Variants in ATAD2 observed in about 807,000 individuals in gnomAD.
ATAD2 encodes the protein ATPase family AAA domain containing 2.
ATAD2 carries 62 observed loss-of-function variants against 168.9 expected under a neutral mutation model. The observed-to-expected ratio is 0.37, with a 90% CI of 0.30 to 0.45. ATAD2 has a LOEUF of 0.45. Among genes scored for constraint, ATAD2 ranks in the 20% least tolerant of loss-of-function variants. ATAD2 has a pLI of 1.00. For missense variants in ATAD2, 1,419 were observed against 1,667.8 expected, an observed-to-expected ratio of 0.85 and a Z score of 2.60; for synonymous variants, 613 against 571.6, an observed-to-expected ratio of 1.07 and a Z score of -1.03.
rs752276769 is a variant in ATAD2 at position 123,328,326 on chromosome 8, A to C, written c.3732T>G (p.Asn1244Lys). 7.5e-6 allele frequency: 12 copies of C among 1,607,458 alleles called. No individual in the cohort carries two copies. The highest frequency in any genetic ancestry group is 1.7e-5 in the Admixed American group (1 of 58,972). Residue 1244 changes from asparagine to lysine, a missense_variant, in exon 25 of 28, where the codon AAT becomes AAG. Around this residue, in one of 5 missense-constraint regions of ATAD2, gnomAD observed 303 missense variants for 304.3 expected, o/e 1.00. Coordinates refer to ENST00000287394, the MANE Select transcript of ATAD2 (RefSeq NM_014109.4). Reference sequence around the variant, plus strand: ...CAAGCTCATTCTCTATATTACAAGTATTTGAATTATTTCTCAATTCCAGTT... The same window carrying C: ...CAAGCTCATTCTCTATATTACAAGTCTTTGAATTATTTCTCAATTCCAGTT... ...ESKLELRNNSNTCNIENELED... is the reference protein window; with the variant it reads ...ESKLELRNNSKTCNIENELED...
At chr8:123,364,145 G>T (rs892014082) in intron 8 of ATAD2, among the ~76,000 whole-genome samples, 2 of 152,002 alleles carry the variant, frequency 1.3e-5, no homozygotes, top group East Asian at 3.9e-4. Flanking sequence ...TATTTTAAAT[G>T]CTTTACATGT....
intron 2 of ATAD2, among the ~76,000 whole-genome samples, chr8:123,373,784 G>A (rs58189714): frequency 0.025 from 1,371 of 54,064 alleles, 29 homozygotes; most frequent in African/African-American, 0.088. Context: ...GTGACACCTC[G>A]CCTCAAAAAA....
chr8:123,344,047 C>T (rs1828150124), intron 19 of ATAD2, among the ~76,000 whole-genome samples: 1 of 152,122 alleles, frequency 6.6e-6, no homozygotes, highest in Non-Finnish European at 1.5e-5. Context: ...CTCTTTGATT[C>T]AGCTACAGCT....
At chr8:123,334,820 G>A (rs907860561) in intron 22 of ATAD2, among the ~76,000 whole-genome samples, 4 of 152,170 alleles carry the variant, frequency 2.6e-5, no homozygotes, top group Non-Finnish European at 5.9e-5. Context: ...ATGATTTGAG[G>A]CAGAAGACGG....
intron 27 of ATAD2, 152 bp from the exon 28 acceptor site, chr8:123,321,327 A>T: frequency 1.5e-6 from 1 of 667,062 alleles, no homozygotes. Context: ...AGTATTTAAG[A>T]CTGCCACATA....
chr8:123,407,986 G>A (rs939065236), intron 1 of ATAD2, among the ~76,000 whole-genome samples: 1 of 152,168 alleles, frequency 6.6e-6, no homozygotes, highest in African/African-American at 2.4e-5. Context: ...TACCTCATTT[G>A]GGATGAGGTC....
chr8:123,371,369 A>T, intron 4 of ATAD2, 31 bp from the exon 5 acceptor site: 1 of 1,535,166 alleles, frequency 6.5e-7, no homozygotes, highest in Non-Finnish European at 8.8e-7. Flanking sequence ...TGTAAGTGAA[A>T]ATTGTAAAAG....
intron 27 of ATAD2, among the ~76,000 whole-genome samples, chr8:123,322,138 C>T (rs1356361680): frequency 6.6e-6 from 1 of 152,028 alleles, no homozygotes; most frequent in Non-Finnish European, 1.5e-5. Flanking sequence ...TGGGTGCACA[C>T]CACCACATCT....
chr8:123,339,493 C>T (rs757302352), intron 19 of ATAD2, 47 bp from the exon 20 acceptor site: 1 of 1,466,406 alleles, frequency 6.8e-7, no homozygotes, highest in East Asian at 2.4e-5. Context: ...TACAGATGAT[C>T]CCCAACTTAC....
rs771113463 is a variant in ATAD2 at position 123,347,142 on chromosome 8, T to C, written c.2162A>G (p.Gln721Arg). ...GAATTCTGCATGTGGAAATACTCTCTGCAGGGCTTCTAAAATCTTGTCAAC... is the reference window on the plus strand; with the variant it reads ...GAATTCTGCATGTGGAAATACTCTCCGCAGGGCTTCTAAAATCTTGTCAAC... ...NTVDKILEAL[Q>R]RVFPHAEFRT... Residue 721 changes from glutamine (Q) to arginine (R), a missense_variant, in exon 16 of 28, where the codon CAG becomes CGG. By Grantham distance (43) the Gln-to-Arg change is conservative. This residue lies in a region of ATAD2 where 545 missense variants were observed against 724.9 expected (regional missense o/e 0.75). Coordinates refer to ENST00000287394, the MANE Select transcript of ATAD2 (RefSeq NM_014109.4). 6.8e-6 allele frequency: 11 copies of C among 1,614,242 alleles called. No homozygotes were observed. Among genetic ancestry groups the C allele is most frequent in the Non-Finnish European group, 9.3e-6 (11 of 1,180,016 alleles).
At chr8:123,357,423 A>G in intron 12 of ATAD2, 139 bp downstream of exon 12, 1 of 867,308 alleles carries the variant, frequency 1.2e-6, no homozygotes. Flanking sequence ...GACATATAAA[A>G]GAAAATAATC....
rs1828687500 is a variant in ATAD2, at chr8:123,357,495, T to C, written c.1557+67A>G. 5 of 1,362,818 alleles carry C rather than the reference T, an allele frequency of 3.7e-6. No homozygotes were observed. In the South Asian group the frequency reaches 8.1e-5, roughly 22 times the overall value. 84.4% of individuals were successfully genotyped at this position (1,362,818 alleles called of 1,614,324 possible). A position where few individuals can be genotyped will look rare whatever the true frequency, so the allele number is the denominator to read the frequency against. ...GAACACTGATTAAATGTAAGATTTA[T>C]CTAATCCTCACACACATCTGCCTAG... On this transcript the variant is annotated intron_variant, in intron 12 of 27. Coordinates refer to ENST00000287394, the MANE Select transcript of ATAD2 (RefSeq NM_014109.4).
chr8:123,389,583 T>A (rs1433110638), intron 1 of ATAD2, among the ~76,000 whole-genome samples: 1 of 151,430 alleles, frequency 6.6e-6, no homozygotes, highest in African/African-American at 2.4e-5. Flanking sequence ...GAGCTTGCAG[T>A]GAGCCCAGAT....
intron 19 of ATAD2, among the ~76,000 whole-genome samples, chr8:123,339,796 T>C (rs1456190089): frequency 6.6e-6 from 1 of 152,336 alleles, no homozygotes; most frequent in East Asian, 1.9e-4. Context: ...GTATAAACCA[T>C]GTTTACAAGA....
chr8:123,407,596 C>T (rs984047179), intron 1 of ATAD2, among the ~76,000 whole-genome samples: 5 of 151,868 alleles, frequency 3.3e-5, no homozygotes, highest in African/African-American at 7.3e-5. Context: ...TGGTGGCGGG[C>T]GCCTGTAGTC....
At chr8:123,406,240 G>A (rs1813066599) in intron 1 of ATAD2, among the ~76,000 whole-genome samples, 2 of 151,670 alleles carry the variant, frequency 1.3e-5, no homozygotes, top group Non-Finnish European at 2.9e-5. Flanking sequence ...AGTTGGGTGT[G>A]GTGGCACATG....
chr8:123,407,636 A>AT (rs1813084949), intron 1 of ATAD2, among the ~76,000 whole-genome samples: 1 of 151,932 alleles, frequency 6.6e-6, no homozygotes, highest in African/African-American at 2.4e-5. Flanking sequence ...AGGCAGGTGG[A>AT]TCACTTGAGA....
At chr8:123,404,901 A>C (rs1293772249) in intron 1 of ATAD2, among the ~76,000 whole-genome samples, 1 of 152,220 alleles carries the variant, frequency 6.6e-6, no homozygotes, top group African/African-American at 2.4e-5. Context: ...TGAATCCAGA[A>C]TGATCTCATT....
At chr8:123,400,086 C>G (rs1812976256), upstream of ATAD2, among the ~76,000 whole-genome samples, 2 of 152,122 alleles carry the variant, frequency 1.3e-5, no homozygotes, top group South Asian at 4.1e-4. The surrounding 1 kb of genome is among the most constrained non-coding windows in gnomAD (Gnocchi z 4.5). Context: ...ACTGCTTGAA[C>G]CCGTGAGGCA....
Sources: allele counts gnomAD v4.1 joint callset (sites outside exome capture counted in the v4.1 genomes callset), GRCh38; gene constraint gnomAD v4.1.1; regional missense constraint gnomAD v4.1.1; non-coding constraint Gnocchi (gnomAD v3.1); transcripts MANE v1.5; gene names NCBI Gene and HGNC (gene_info 2026-07-23, HGNC 2026-07-21).